LRRFIP2: variants seen among roughly 807,000 people sequenced by gnomAD.
LRRFIP2 encodes leucine-rich repeat flightless-interacting protein 2.
LRRFIP2 carries 109 observed loss-of-function variants against 125.9 expected under a neutral mutation model. The observed-to-expected ratio is 0.87, with a 90% confidence interval of 0.74 to 1.01. The LOEUF (loss-of-function observed/expected upper bound fraction) is 1.01, where lower values mean the gene tolerates loss of function less well. LRRFIP2 is among the 50% of genes least tolerant of loss of function. The pLI is 0.00. For synonymous variants in LRRFIP2, 291 were observed against 293.1 expected, an observed-to-expected ratio of 0.99 and a Z score of 0.07; for missense variants, 850 against 862.3, an observed-to-expected ratio of 0.99 and a Z score of 0.18.
intron 1 of LRRFIP2, among the ~76,000 whole-genome samples, chr3:37,155,922 T>C (rs1242936013): frequency 6.6e-6 from 1 of 152,182 alleles, no homozygotes; most frequent in Non-Finnish European, 1.5e-5. Flanking sequence ...TCTCCCAGGC[T>C]GGAGTGCAAT....
intron 6 of LRRFIP2, among the ~76,000 whole-genome samples, chr3:37,119,447 T>C (rs2149527694): frequency 6.6e-6 from 1 of 152,266 alleles, no homozygotes; most frequent in South Asian, 2.1e-4. Context: ...ACCTTTAAGT[T>C]AAACAAATAT....
chr3:37,124,519 G>T (rs1486829217), intron 4 of LRRFIP2, among the ~76,000 whole-genome samples: 1 of 152,154 alleles, frequency 6.6e-6, no homozygotes, highest in Admixed American at 6.5e-5. Flanking sequence ...ACGATATAAA[G>T]TGACCCTGGT....
At chr3:37,120,874 T>C (rs534444276) in intron 6 of LRRFIP2, among the ~76,000 whole-genome samples, 21 of 152,284 alleles carry the variant, frequency 1.4e-4, no homozygotes, top group Non-Finnish European at 5.9e-5. Flanking sequence ...TGCTTTAAGG[T>C]GTAAAGCATA....
In LRRFIP2 at chr3:37,052,860, G is replaced by GTACC; in HGVS notation, c.*987_*990dup. The GTACC allele has an allele frequency of 6.6e-6, 1 of 152,134 alleles. No individual in the cohort carries two copies. The highest frequency in any genetic ancestry group is 1.9e-4 in the East Asian group (1 of 5,196). 9.4% of individuals were successfully genotyped at this position (152,134 alleles called of 1,614,324 possible). On this transcript the variant is annotated 3_prime_UTR_variant, in exon 28 of 28. Coordinates refer to ENST00000336686, the MANE Select transcript of LRRFIP2 (RefSeq NM_006309.4). ...ATTTTAAAAAAACCTCTTGGACAGG[G>GTACC]TACCTCTAAAGGTGAAACTCAAGTC...
intron 2 of LRRFIP2, among the ~76,000 whole-genome samples, chr3:37,132,519 A>T (rs1273774338): frequency 6.6e-6 from 1 of 152,246 alleles, no homozygotes; most frequent in Non-Finnish European, 1.5e-5. Flanking sequence ...TCCCTTTGTT[A>T]CTTAGCCAAC....
At chr3:37,078,055 AT>A (rs1204109341) in intron 19 of LRRFIP2, among the ~76,000 whole-genome samples, 2 of 152,170 alleles carry the variant, frequency 1.3e-5, no homozygotes, top group African/African-American at 4.8e-5. Flanking sequence ...GTTTTGAAAG[AT>A]AAAAAATTTC....
chr3:37,102,179 T>C (rs374879300), intron 15 of LRRFIP2, among the ~76,000 whole-genome samples: 1 of 152,322 alleles, frequency 6.6e-6, no homozygotes, highest in East Asian at 1.9e-4. Flanking sequence ...TACTAAGGAA[T>C]TACTTATTTC....
chr3:37,114,795 T>TA (rs538785576), intron 7 of LRRFIP2, among the ~76,000 whole-genome samples: 14,213 of 139,108 alleles, frequency 0.1, 862 homozygotes, highest in Admixed American at 0.16. Context: ...TCTTTAAAAT[T>TA]AAAAAAAAAA....
chr3:37,141,465 G>C (rs541251958), intron 2 of LRRFIP2, among the ~76,000 whole-genome samples: 6 of 152,292 alleles, frequency 3.9e-5, no homozygotes, highest in African/African-American at 1.2e-4. Flanking sequence ...GGTGTCTATA[G>C]AGCTCTTAGA....
At chr3:37,095,789 G>A (rs939744982) in intron 16 of LRRFIP2, among the ~76,000 whole-genome samples, 7 of 151,988 alleles carry the variant, frequency 4.6e-5, no homozygotes, top group Non-Finnish European at 8.8e-5. Flanking sequence ...CAACAGGCAC[G>A]CAAAACCATG....
chr3:37,115,100 G>C lies in LRRFIP2; in HGVS notation c.331-5C>G, dbSNP rs756031058. On this transcript the variant is annotated splice_polypyrimidine_tract_variant and splice_region_variant and intron_variant, in intron 6 of 27. Coordinates refer to ENST00000336686, the MANE Select transcript of LRRFIP2 (RefSeq NM_006309.4). Reference sequence around the variant, plus strand: ...TCTATCCTTGAACATATCATACTGGGTTTCAGCAAAACATGAAAGTTGGTT... The same window carrying C: ...TCTATCCTTGAACATATCATACTGGCTTTCAGCAAAACATGAAAGTTGGTT... 15 of 1,583,430 alleles carry C rather than the reference G, an allele frequency of 9.5e-6. No individual in the cohort carries two copies. The South Asian group carries it at 1.6e-4, about 17-fold the overall frequency.
chr3:37,117,671 A>G (rs2094851533), intron 6 of LRRFIP2, among the ~76,000 whole-genome samples: 1 of 152,184 alleles, frequency 6.6e-6, no homozygotes, highest in African/African-American at 2.4e-5. Flanking sequence ...AACTTGCCTG[A>G]AAGTTTTCAT....
chr3:37,168,985 A>G (rs2096547877), intron 1 of LRRFIP2, among the ~76,000 whole-genome samples: 1 of 152,092 alleles, frequency 6.6e-6, no homozygotes, highest in South Asian at 2.1e-4. Context: ...TATCTTTTCT[A>G]TGTTTAGATA....
intron 6 of LRRFIP2, among the ~76,000 whole-genome samples, chr3:37,117,428 T>C (rs2094840413): frequency 6.6e-6 from 1 of 152,068 alleles, no homozygotes; most frequent in African/African-American, 2.4e-5. Flanking sequence ...CAATTTCTAC[T>C]AGAACAATGG....
At chr3:37,061,166 C>A (rs942082192) in intron 24 of LRRFIP2, among the ~76,000 whole-genome samples, 9 of 152,126 alleles carry the variant, frequency 5.9e-5, no homozygotes, top group Admixed American at 5.9e-4. Context: ...GCCCCTTCAC[C>A]TTCCGCCGTG....
chr3:37,067,179 G>A (rs940188107), intron 21 of LRRFIP2: 1 of 152,206 alleles, frequency 6.6e-6, no homozygotes, highest in Non-Finnish European at 1.5e-5. Context: ...GTAATGCCTA[G>A]ATAGCAGGGA....
intron 2 of LRRFIP2, among the ~76,000 whole-genome samples, chr3:37,144,247 T>C (rs1325978766): frequency 6.6e-6 from 1 of 152,168 alleles, no homozygotes; most frequent in African/African-American, 2.4e-5. Flanking sequence ...GATTCCTTAA[T>C]AGGAGGAAGG....
intron 23 of LRRFIP2, 29 bp downstream of exon 23, chr3:37,065,781 C>G: frequency 6.2e-7 from 1 of 1,614,008 alleles, no homozygotes; most frequent in Non-Finnish European, 8.5e-7. Context: ...TAACATTAAT[C>G]CAAGTCAACA....
chr3:37,098,279 G>GT (rs546182339), intron 15 of LRRFIP2, among the ~76,000 whole-genome samples: 8,244 of 143,670 alleles, frequency 0.057, 523 homozygotes, highest in African/African-American at 0.16. Flanking sequence ...CGATTGAAAT[G>GT]TTTTTTTTTT....
Sources: allele counts gnomAD v4.1 joint callset (sites outside exome capture counted in the v4.1 genomes callset), GRCh38; gene constraint gnomAD v4.1.1; transcripts MANE v1.5; gene names NCBI Gene and HGNC (gene_info 2026-07-23, HGNC 2026-07-21).